ME3: variants seen among roughly 807,000 people sequenced by gnomAD.
ME3 encodes NADP-dependent malic enzyme, mitochondrial.
Under a neutral mutation model 68.9 loss-of-function variants are expected in ME3, and 48 were observed. That is an observed-to-expected ratio of 0.70 (90% CI 0.55 to 0.89). ME3 has a LOEUF of 0.89. ME3 is among the 40% of genes least tolerant of loss of function. The probability of loss-of-function intolerance (pLI) is 0.00; values close to 1 mark genes in which losing one functional copy is unlikely to be tolerated. For synonymous variants in ME3, 320 were observed against 318.8 expected (o/e 1.00, Z -0.04); for missense variants, 675 against 797.4 (o/e 0.85, Z 1.85).
chr11:86,483,723 G>A (rs191309926), intron 7 of ME3, among the ~76,000 whole-genome samples: 53 of 152,312 alleles, frequency 3.5e-4, no homozygotes, highest in African/African-American at 1.2e-3. Flanking sequence ...GGGAAGAAGC[G>A]GGTGATTTCC....
At chr11:86,668,602 G>C (rs1241573564) in intron 2 of ME3, among the ~76,000 whole-genome samples, 1 of 152,176 alleles carries the variant, frequency 6.6e-6, no homozygotes, top group African/African-American at 2.4e-5. Context: ...TGTAACACGG[G>C]CAGAGGAGCT....
intron 4 of ME3, among the ~76,000 whole-genome samples, chr11:86,549,712 G>A (rs1956569271): frequency 1.3e-5 from 2 of 152,292 alleles, no homozygotes; most frequent in South Asian, 4.1e-4. Flanking sequence ...GGAGTCAAGA[G>A]GATGAGAGTG....
intron 4 of ME3, among the ~76,000 whole-genome samples, chr11:86,537,912 G>A (rs1440782260): frequency 6.6e-6 from 1 of 152,210 alleles, no homozygotes; most frequent in Admixed American, 6.5e-5. Context: ...GAAGTGTTTG[G>A]TGTGTACTTA....
chr11:86,546,960 C>T (rs186309309), intron 4 of ME3, among the ~76,000 whole-genome samples: 70 of 152,078 alleles, frequency 4.6e-4, no homozygotes, highest in African/African-American at 1.2e-3. Flanking sequence ...ATGTAGCGGC[C>T]GGGCACAGTG....
chr11:86,470,177 C>T (rs1950707067), intron 7 of ME3, among the ~76,000 whole-genome samples: 1 of 152,154 alleles, frequency 6.6e-6, no homozygotes, highest in South Asian at 2.1e-4. Flanking sequence ...GGTCTGACCT[C>T]TTTCAAGCCT....
At chr11:86,451,692 G>A (rs1949641764) in intron 8 of ME3, among the ~76,000 whole-genome samples, 1 of 152,208 alleles carries the variant, frequency 6.6e-6, no homozygotes, top group Non-Finnish European at 1.5e-5. Flanking sequence ...GTCCTAACTG[G>A]AGCAGATATA....
downstream of ME3, among the ~76,000 whole-genome samples, chr11:86,440,458 C>G (rs1368584980): frequency 6.6e-6 from 1 of 152,148 alleles, no homozygotes; most frequent in African/African-American, 2.4e-5. Flanking sequence ...AGAGTGTGTT[C>G]CAGAGCCAGG....
chr11:86,621,961 A>G (rs1465643294), intron 2 of ME3, among the ~76,000 whole-genome samples: 2 of 151,986 alleles, frequency 1.3e-5, no homozygotes, highest in Non-Finnish European at 2.9e-5. Context: ...TAGTCCAGAG[A>G]TAACAGGAAA....
At chr11:86,622,785 G>A (rs1943425352) in intron 2 of ME3, 1 of 151,920 alleles carries the variant, frequency 6.6e-6, no homozygotes, top group South Asian at 2.1e-4. Context: ...CTTTTATTTG[G>A]TGAGTTCATC....
At chr11:86,463,081 G>A (rs921645803) in intron 8 of ME3, among the ~76,000 whole-genome samples, 1 of 152,224 alleles carries the variant, frequency 6.6e-6, no homozygotes, top group African/African-American at 2.4e-5. Flanking sequence ...GGCATAGTGA[G>A]TGATAGTTTC....
At chr11:86,478,662 A>G (rs1161833616) in intron 7 of ME3, among the ~76,000 whole-genome samples, 2 of 152,238 alleles carry the variant, frequency 1.3e-5, no homozygotes, top group Non-Finnish European at 2.9e-5. Context: ...GGTAATTTTC[A>G]AACATTTTTT....
At chr11:86,655,205 T>G (rs1215776799) in intron 2 of ME3, among the ~76,000 whole-genome samples, 2 of 152,184 alleles carry the variant, frequency 1.3e-5, no homozygotes. Context: ...GCTATCCCCA[T>G]CAAGCTACCA....
chr11:86,492,157 T>C (rs1200355218), intron 6 of ME3, among the ~76,000 whole-genome samples: 1 of 152,216 alleles, frequency 6.6e-6, no homozygotes, highest in African/African-American at 2.4e-5. Flanking sequence ...TATTTAACTT[T>C]TTTCTGCTCT....
At chr11:86,565,956 C>G (rs1250297127) in intron 2 of ME3, among the ~76,000 whole-genome samples, 8 of 152,230 alleles carry the variant, frequency 5.3e-5, no homozygotes, top group Non-Finnish European at 8.8e-5. Context: ...GGGACACGTG[C>G]AGCCCCACCT....
intron 8 of ME3, among the ~76,000 whole-genome samples, chr11:86,452,242 A>G (rs557472242): frequency 1.3e-5 from 2 of 152,240 alleles, no homozygotes; most frequent in South Asian, 2.1e-4. Flanking sequence ...ACATGGTTCT[A>G]TTGAATTTGG....
At chr11:86,521,740 C>T (rs879347540) in intron 4 of ME3, among the ~76,000 whole-genome samples, 4 of 152,202 alleles carry the variant, frequency 2.6e-5, no homozygotes, top group Non-Finnish European at 4.4e-5. Flanking sequence ...ACTCACTGAT[C>T]TGTAGATCCA....
intron 4 of ME3, among the ~76,000 whole-genome samples, chr11:86,540,976 A>G (rs1325609471): frequency 1.3e-5 from 2 of 152,220 alleles, no homozygotes; most frequent in African/African-American, 4.8e-5. Flanking sequence ...CAGTGGGTGC[A>G]GCCCATGGAG....
At chr11:86,554,994 G>A (rs1262013280) in intron 4 of ME3, among the ~76,000 whole-genome samples, 3 of 152,228 alleles carry the variant, frequency 2.0e-5, no homozygotes, top group Non-Finnish European at 4.4e-5. Flanking sequence ...TCAGCCTGAG[G>A]GGATGGGGGA....
At chr11:86,571,818 G>A (rs539070979) in intron 2 of ME3, among the ~76,000 whole-genome samples, 29 of 152,194 alleles carry the variant, frequency 1.9e-4, no homozygotes, top group African/African-American at 3.1e-4. Context: ...AGAGATTAAC[G>A]TAATGCAAGG....
Sources: gnomAD v4.1 joint callset for allele counts (sites outside exome capture counted in the v4.1 genomes callset) on GRCh38, gnomAD v4.1.1 for gene constraint, MANE v1.5 for transcripts, NCBI Gene and HGNC (gene_info 2026-07-23, HGNC 2026-07-21) for gene names.